EPB41L4A: variants seen among roughly 807,000 people sequenced by gnomAD.
The protein encoded by EPB41L4A is erythrocyte membrane protein band 4.1 like 4A, also known as band 4.1-like protein 4A.
In EPB41L4A, 100 loss-of-function variants were observed where a neutral mutation model predicts 108.6. That is an observed-to-expected ratio of 0.92 (90% CI 0.78 to 1.09). The LOEUF is 1.09. Ranked by LOEUF, EPB41L4A falls within the 50% of genes least tolerant of loss-of-function variation. EPB41L4A has a pLI of 0.00. For synonymous variants in EPB41L4A, 319 were observed against 289.0 expected (o/e 1.10, Z -1.05); for missense variants, 1,030 against 842.7 (o/e 1.22, Z -2.75).
intron 2 of EPB41L4A, among the ~76,000 whole-genome samples, chr5:112,298,089 A>G (rs1292782903): frequency 6.6e-6 from 1 of 152,116 alleles, no homozygotes. Flanking sequence ...CTTTTTGCTT[A>G]GTCTCACTTT....
chr5:112,183,454 A>C lies in EPB41L4A; in HGVS notation c.1622+562T>G, dbSNP rs1418300457. On this transcript the variant is annotated intron_variant, in intron 18 of 22. Coordinates refer to ENST00000261486, the MANE Select transcript of EPB41L4A (RefSeq NM_022140.5). ...CAGATTTAAAACACACACGCACAGA[A>C]ACTTTACCAGCTCAAAGACAATTAA... 3 of 153,700 alleles carry C rather than the reference A, an allele frequency of 2.0e-5. 1 individual carries two copies. Among genetic ancestry groups the C allele is most frequent in the African/African-American group, 7.2e-5 (3 of 41,452 alleles). The allele number at this position is 153,700 out of a possible 1,614,324, so 9.5% of individuals were successfully genotyped here.
At chr5:112,204,520 C>T (rs369624637) in intron 14 of EPB41L4A, 32 bp from the exon 15 acceptor site, 16 of 1,426,266 alleles carry the variant, frequency 1.1e-5, no homozygotes, top group Non-Finnish European at 1.4e-5. Flanking sequence ...CAAAAAGAGC[C>T]CAGAGAGTTC....
intron 12 of EPB41L4A, chr5:112,228,686 CCTT>C: frequency 3.0e-6 from 3 of 984,902 alleles, no homozygotes; most frequent in Non-Finnish European, 3.6e-6. Flanking sequence ...GAGACGATCT[CCTT>C]TGACAGGAAT....
chr5:112,367,457 G>A (rs1186929054), intron 1 of EPB41L4A, among the ~76,000 whole-genome samples: 1 of 152,078 alleles, frequency 6.6e-6, no homozygotes, highest in Non-Finnish European at 1.5e-5. Context: ...AAACCTCCCT[G>A]GGAAATGTTC....
Position 112,360,110 on chromosome 5 carries a change from A to G in EPB41L4A, c.100-52620T>C, listed in dbSNP as rs530389625. Among the ~76,000 whole-genome samples, 185 of 152,278 alleles carry G rather than the reference A, an allele frequency of 1.2e-3. 1 individual carries two copies. Among genetic ancestry groups the G allele is most frequent in the Middle Eastern group, 6.8e-3 (2 of 294 alleles). ...GCCTGTAACCCCAGCTACAGATTCA[A>G]TAGGAATCCAACAATTTGTAAAAGT... On this transcript the variant is annotated intron_variant, in intron 1 of 22. Transcript: ENST00000261486.
At chr5:112,373,289 T>C (rs1759611733) in intron 1 of EPB41L4A, among the ~76,000 whole-genome samples, 2 of 152,192 alleles carry the variant, frequency 1.3e-5, no homozygotes, top group African/African-American at 4.8e-5. Flanking sequence ...CGGAAGTTGC[T>C]ACAATGTTCC....
chr5:112,225,993 A>G (rs977168501), intron 12 of EPB41L4A, among the ~76,000 whole-genome samples: 10 of 152,204 alleles, frequency 6.6e-5, no homozygotes, highest in African/African-American at 2.2e-4. Flanking sequence ...GCACATGGTA[A>G]TGCTCAGCGA....
In EPB41L4A at chr5:112,153,528, C is replaced by CA. The variant is rs529295443; in HGVS notation, n.994+4872dup. On this transcript the variant is annotated intron_variant and non_coding_transcript_variant, in intron 12 of 13. Coordinates refer to the EPB41L4A transcript ENST00000507810. The stretch of plus-strand genomic sequence containing the variant: ...AGGGCAACAGAGCAAGACTCTGTCT[C>CA]AAAAAAAAAACAAAAGAAAAGAAAA... 1.6e-3 allele frequency among the ~76,000 whole-genome samples: 137 copies of CA among 83,292 alleles called. 1 individual carries two copies. The highest frequency in any genetic ancestry group is 0.012 in the East Asian group (38 of 3,106). 54.6% of individuals were successfully genotyped at this position (83,292 alleles called of 152,430 possible). A position where few individuals can be genotyped will look rare whatever the true frequency, so the allele number is the denominator to read the frequency against.
At chr5:112,272,781 C>CAA (rs35621227) in intron 4 of EPB41L4A, among the ~76,000 whole-genome samples, 33,137 of 90,418 alleles carry the variant, frequency 0.37, 8,040 homozygotes, top group South Asian at 0.65. Context: ...AACTCCGTCT[C>CAA]AAAAAAAAAA....
chr5:112,215,085 T>A (rs1314507287), intron 12 of EPB41L4A, among the ~76,000 whole-genome samples: 1 of 152,218 alleles, frequency 6.6e-6, no homozygotes, highest in African/African-American at 2.4e-5. Context: ...TTAGAAAGGA[T>A]GTATTTCTGT....
At chr5:112,320,258 G>A (rs1323580235) in intron 1 of EPB41L4A, among the ~76,000 whole-genome samples, 1 of 152,122 alleles carries the variant, frequency 6.6e-6, no homozygotes, top group Non-Finnish European at 1.5e-5. Context: ...GAAGAAAGCT[G>A]TGTGAGAAAA....
chr5:112,369,186 C>T (rs1759325521), intron 1 of EPB41L4A, among the ~76,000 whole-genome samples: 1 of 152,196 alleles, frequency 6.6e-6, no homozygotes, highest in Non-Finnish European at 1.5e-5. Flanking sequence ...TTCCAACATC[C>T]AGTCATTACC....
intron 2 of EPB41L4A, among the ~76,000 whole-genome samples, chr5:112,294,580 A>ACC (rs1753871602): frequency 1.3e-5 from 2 of 152,268 alleles, no homozygotes; most frequent in South Asian, 4.1e-4. Flanking sequence ...GACATCAGAA[A>ACC]CACCACACTC....
At chr5:112,250,400 G>T (rs1396806664) in intron 9 of EPB41L4A, among the ~76,000 whole-genome samples, 1 of 152,144 alleles carries the variant, frequency 6.6e-6, no homozygotes, top group Non-Finnish European at 1.5e-5. Flanking sequence ...ATTTTTCTGT[G>T]ATAGTTTTCT....
intron 12 of EPB41L4A, among the ~76,000 whole-genome samples, chr5:112,233,580 T>TA (rs1437699994): frequency 3.3e-5 from 5 of 152,142 alleles, no homozygotes; most frequent in Non-Finnish European, 7.4e-5. Flanking sequence ...TCCTTTTTTT[T>TA]AATTTGTATT....
At chr5:112,412,386 T>C (rs953064680) in intron 1 of EPB41L4A, among the ~76,000 whole-genome samples, 31 of 152,340 alleles carry the variant, frequency 2.0e-4, no homozygotes, top group Admixed American at 1.3e-3. Context: ...TGTGTAGTTA[T>C]AGAGAAAGGG....
At chr5:112,232,308 T>C (rs1386286728) in intron 12 of EPB41L4A, among the ~76,000 whole-genome samples, 1 of 152,140 alleles carries the variant, frequency 6.6e-6, no homozygotes, top group African/African-American at 2.4e-5. Flanking sequence ...GTGTTCTCTC[T>C]CAATGGACTC....
At chr5:112,319,167 G>A (rs1755609049) in intron 1 of EPB41L4A, among the ~76,000 whole-genome samples, 2 of 152,120 alleles carry the variant, frequency 1.3e-5, no homozygotes, top group Non-Finnish European at 2.9e-5. Flanking sequence ...TGGAAACAGT[G>A]TTCAAATAAT....
chr5:112,339,491 TA>T (rs777456439), intron 1 of EPB41L4A, among the ~76,000 whole-genome samples: 18,243 of 92,946 alleles, frequency 0.2, 1,543 homozygotes, highest in East Asian at 0.42. Flanking sequence ...TATATATATA[TA>T]TATCTATATA....
Sources: allele counts gnomAD v4.1 joint callset (sites outside exome capture counted in the v4.1 genomes callset), GRCh38; gene constraint gnomAD v4.1.1; transcripts MANE v1.5; gene names NCBI Gene and HGNC (gene_info 2026-07-23, HGNC 2026-07-21).